ATG10: variants seen among roughly 807,000 people sequenced by gnomAD.
ATG10 encodes the protein ubiquitin-like-conjugating enzyme ATG10.
A neutral mutation model predicts 32.1 loss-of-function variants in ATG10; 30 were observed. The ratio of observed to expected loss-of-function variants is 0.94; its 90% confidence interval spans 0.70 to 1.27. The LOEUF is 1.27. Ranked by LOEUF, ATG10 falls within the 50% of genes most tolerant of loss-of-function variation. ATG10 has a pLI of 0.00. For synonymous variants in ATG10, 87 were observed against 91.5 expected (o/e 0.95, Z 0.28); for missense variants, 233 against 262.3 (o/e 0.89, Z 0.77).
At chr5:82,005,356 ACT>A (rs1761963031) in intron 2 of ATG10, among the ~76,000 whole-genome samples, 1 of 152,184 alleles carries the variant, frequency 6.6e-6, no homozygotes, top group African/African-American at 2.4e-5. Context: ...GTGCAGTGGC[ACT>A]GTGTCGGCTC....
At chr5:82,159,969 A>G (rs944291860) in intron 3 of ATG10, among the ~76,000 whole-genome samples, 1 of 152,174 alleles carries the variant, frequency 6.6e-6, no homozygotes, top group Non-Finnish European at 1.5e-5. Flanking sequence ...ACTATAGTAT[A>G]ATATCAGAAC....
At chr5:81,988,437 C>T (rs1761355103) in intron 2 of ATG10, among the ~76,000 whole-genome samples, 1 of 152,086 alleles carries the variant, frequency 6.6e-6, no homozygotes, top group Non-Finnish European at 1.5e-5. Flanking sequence ...CCACACCCAG[C>T]CCCAAATTTT....
At chr5:82,180,782 T>C (rs1744198820) in intron 5 of ATG10, among the ~76,000 whole-genome samples, 1 of 152,180 alleles carries the variant, frequency 6.6e-6, no homozygotes, top group Non-Finnish European at 1.5e-5. Flanking sequence ...CTTACCATTT[T>C]CCTTTTCTGC....
chr5:82,099,875 T>C (rs919224159), intron 3 of ATG10, among the ~76,000 whole-genome samples: 3 of 152,220 alleles, frequency 2.0e-5, no homozygotes, highest in Non-Finnish European at 4.4e-5. Flanking sequence ...GGGGTGGTTA[T>C]GGAATTTACA....
intron 2 of ATG10, among the ~76,000 whole-genome samples, chr5:82,057,169 G>GC (rs1298766173): frequency 6.6e-6 from 1 of 152,164 alleles, no homozygotes; most frequent in Non-Finnish European, 1.5e-5. Context: ...AACCAGTGCA[G>GC]CCCCCTGAGT....
chr5:82,170,635 A>G (rs1318582894), intron 4 of ATG10, among the ~76,000 whole-genome samples: 2 of 152,140 alleles, frequency 1.3e-5, no homozygotes, highest in African/African-American at 4.8e-5. Context: ...ACCTCAGAAT[A>G]CTTTGGATAG....
chr5:82,011,892 T>C (rs1449951446), intron 2 of ATG10, among the ~76,000 whole-genome samples: 3 of 152,214 alleles, frequency 2.0e-5, no homozygotes, highest in Non-Finnish European at 4.4e-5. Context: ...CTCAAGCTTC[T>C]CTGTAATCCT....
chr5:82,019,287 A>T (rs1422718091), intron 2 of ATG10, among the ~76,000 whole-genome samples: 1 of 152,218 alleles, frequency 6.6e-6, no homozygotes, highest in African/African-American at 2.4e-5. Flanking sequence ...AGTCTTTTTA[A>T]TAAAACCAGC....
intron 3 of ATG10, among the ~76,000 whole-genome samples, chr5:82,121,233 G>A (rs924564432): frequency 1.3e-5 from 2 of 152,156 alleles, no homozygotes; most frequent in Non-Finnish European, 2.9e-5. Flanking sequence ...CATAGGAGCC[G>A]CTAAGAAGGT....
Position 82,016,187 on chromosome 5 carries a change from G to A in ATG10, c.108+28509G>A, listed in dbSNP as rs183180303. 2.0e-5 allele frequency among the ~76,000 whole-genome samples: 3 copies of A among 152,198 alleles called. No individual in the cohort carries two copies. The East Asian group carries it at 5.8e-4, about 29-fold the overall frequency. ...CATTGTCTAGAAGGGTTTTTCCAAT[G>A]TTCTGGAATTTTTTATGGTTTCAGG... On this transcript the variant is annotated intron_variant, in intron 2 of 7. Transcript: ENST00000282185.
At chr5:82,160,624 G>A (rs901291962) in intron 3 of ATG10, among the ~76,000 whole-genome samples, 1 of 152,158 alleles carries the variant, frequency 6.6e-6, no homozygotes, top group African/African-American at 2.4e-5. Context: ...AACCAGCAAT[G>A]TATGATCTAG....
At chr5:82,125,791 G>T (rs1195824486) in intron 3 of ATG10, among the ~76,000 whole-genome samples, 1 of 152,076 alleles carries the variant, frequency 6.6e-6, no homozygotes, top group African/African-American at 2.4e-5. Context: ...ATTTAAAGTA[G>T]TTTTTTCTAA....
chr5:82,166,493 GTTCT>G (rs1376434440), intron 4 of ATG10, among the ~76,000 whole-genome samples: 1 of 152,064 alleles, frequency 6.6e-6, no homozygotes, highest in Non-Finnish European at 1.5e-5. Context: ...ATGAAGAATG[GTTCT>G]TTCTTTCCTT....
rs146637275 is a variant in ATG10, at chr5:82,170,428, A to G, written c.355+5891A>G. ...AGTCATCAAAGCAGTATTCGAGTCT[A>G]TATGTTAGGTGCTGTTTTGAGAAGG... On this transcript the variant is annotated intron_variant, in intron 4 of 7. Transcript: ENST00000282185. 4.6e-5 allele frequency among the ~76,000 whole-genome samples: 7 copies of G among 152,274 alleles called. No individual in the cohort carries two copies. In the East Asian group the frequency reaches 1.2e-3, roughly 25 times the overall value.
intron 3 of ATG10, among the ~76,000 whole-genome samples, chr5:82,102,829 G>C (rs1198293385): frequency 6.6e-6 from 1 of 151,090 alleles, no homozygotes; most frequent in Non-Finnish European, 1.5e-5. Context: ...GATCCTAGCT[G>C]GTTAATCCTC....
chr5:82,185,973 A>C (rs1026360603), intron 5 of ATG10, among the ~76,000 whole-genome samples: 2 of 152,104 alleles, frequency 1.3e-5, no homozygotes, highest in Admixed American at 6.5e-5. Context: ...TGTTTAACAA[A>C]ACTTCTCAGT....
intron 2 of ATG10, among the ~76,000 whole-genome samples, chr5:82,052,183 T>C (rs1052902299): frequency 6.6e-6 from 1 of 152,158 alleles, no homozygotes; most frequent in African/African-American, 2.4e-5. Flanking sequence ...GAAGTAGAGC[T>C]TAGACCCTTA....
At chr5:82,206,569 GA>G (rs773226914) in intron 5 of ATG10, among the ~76,000 whole-genome samples, 3 of 151,390 alleles carry the variant, frequency 2.0e-5, no homozygotes, top group Non-Finnish European at 4.4e-5. Flanking sequence ...AGAATCACTT[GA>G]ACCTGCGAGG....
At chr5:82,200,037 T>C (rs1244546115) in intron 5 of ATG10, among the ~76,000 whole-genome samples, 1 of 152,204 alleles carries the variant, frequency 6.6e-6, no homozygotes, top group Admixed American at 6.5e-5. Flanking sequence ...CTTTTACCAG[T>C]TGAAAGACCT....
Sources: gnomAD v4.1 joint callset for allele counts (sites outside exome capture counted in the v4.1 genomes callset) on GRCh38, gnomAD v4.1.1 for gene constraint, MANE v1.5 for transcripts, NCBI Gene and HGNC (gene_info 2026-07-23, HGNC 2026-07-21) for gene names.